PRICKLE2: variants seen among roughly 807,000 people sequenced by gnomAD.
PRICKLE2 encodes the protein prickle-like protein 2.
Under a neutral mutation model 81.4 loss-of-function variants are expected in PRICKLE2, and 21 were observed. The observed-to-expected ratio is 0.26, with a 90% CI of 0.18 to 0.37. The LOEUF is 0.37. Ranked by LOEUF, PRICKLE2 falls within the 10% of genes least tolerant of loss-of-function variation. PRICKLE2 has a pLI of 1.00. For missense variants in PRICKLE2, 940 were observed against 1,109.0 expected (o/e 0.85, Z 2.16); for synonymous variants, 456 against 421.5 (o/e 1.08, Z -1.00).
At chr3:64,255,263 T>C (rs2079509772) in intron 2 of PRICKLE2, among the ~76,000 whole-genome samples, 1 of 152,254 alleles carries the variant, frequency 6.6e-6, no homozygotes. Flanking sequence ...TTACTTCTTG[T>C]TCCATGTGAC....
chr3:64,167,312 C>T (rs1165115306), intron 2 of PRICKLE2, among the ~76,000 whole-genome samples: 1 of 152,098 alleles, frequency 6.6e-6, no homozygotes, highest in Non-Finnish European at 1.5e-5. Context: ...CATATTTATT[C>T]AAAAGCACGT....
intron 7 of PRICKLE2, among the ~76,000 whole-genome samples, chr3:64,144,161 T>C (rs2077407029): frequency 6.6e-6 from 1 of 152,208 alleles, no homozygotes; most frequent in South Asian, 2.1e-4. Flanking sequence ...TTAACTTCTC[T>C]GGAAAAACTG....
chr3:64,147,519 G>A lies in PRICKLE2; in HGVS notation c.971C>T (p.Ser324Phe). 1 of 1,614,256 alleles carries A rather than the reference G, an allele frequency of 6.2e-7. No homozygotes were observed. The highest frequency in any genetic ancestry group is 8.5e-7 in the Non-Finnish European group (1 of 1,180,054). The change falls in exon 7 of 8, where the codon TCC becomes TTC. Residue 324 changes from serine (S) to phenylalanine (F), a missense_variant. By Grantham distance (155) the Ser-to-Phe change is radical. Around this residue, in one of 2 missense-constraint regions of PRICKLE2, gnomAD observed 670 missense variants for 717.2 expected, o/e 0.93. Coordinates refer to ENST00000638394, the MANE Select transcript of PRICKLE2 (RefSeq NM_198859.4). The surrounding 1 kb of genome is among the most constrained non-coding windows in gnomAD (Gnocchi z 5.0). ...EDPNGSDSSD[S>F]AFQNARAKES... ...CTTGGCCCTGGCGTTCTGGAAGGCG[G>A]AATCAGAGGAGTCAGAACCATTGGG...
intron 7 of PRICKLE2, among the ~76,000 whole-genome samples, chr3:64,109,340 T>C (rs1054773041): frequency 3.9e-5 from 6 of 152,242 alleles, no homozygotes; most frequent in Admixed American, 3.9e-4. Context: ...GCTGTCTAAT[T>C]TTCCTGGCAG....
rs1459877732 is a variant in PRICKLE2, at chr3:64,147,919, C to A, written c.788-217G>T. On this transcript the variant is annotated intron_variant, in intron 6 of 7. Coordinates refer to ENST00000638394, the MANE Select transcript of PRICKLE2 (RefSeq NM_198859.4). The surrounding 1 kb of genome is among the most constrained non-coding windows in gnomAD (Gnocchi z 5.0). ...TGCGCCTTAACTCATTTGCTCCAAG[C>A]ACAAAGACTCTAGGTTAAAATGGCT... is the stretch of plus-strand genomic sequence containing the variant. Among the ~76,000 whole-genome samples, 2 of 152,134 alleles carry A rather than the reference C, an allele frequency of 1.3e-5. No homozygotes were observed. Among genetic ancestry groups the A allele is most frequent in the Non-Finnish European group, 2.9e-5 (2 of 68,026 alleles).
At chr3:64,209,399 C>T (rs1468037113) in intron 1 of PRICKLE2, among the ~76,000 whole-genome samples, 1 of 152,168 alleles carries the variant, frequency 6.6e-6, no homozygotes, top group African/African-American at 2.4e-5. Context: ...TCCATCCATC[C>T]ACCCATCTAT....
Position 64,099,023 on chromosome 3 carries a change from C to G in PRICKLE2, c.*28G>C, listed in dbSNP as rs771124563. On this transcript the variant is annotated 3_prime_UTR_variant, in exon 8 of 8. Transcript: ENST00000638394. The surrounding 1 kb of genome is among the most constrained non-coding windows in gnomAD (Gnocchi z 4.3). The stretch of plus-strand genomic sequence containing the variant: ...CTGACTTTACATTCTTAGCTCCCAT[C>G]TTCTCCCATTCCCTGATCCCAATCA... 6 of 1,613,600 alleles carry G rather than the reference C, an allele frequency of 3.7e-6. No individual in the cohort carries two copies. The highest frequency in any genetic ancestry group is 1.6e-4 in the Middle Eastern group (1 of 6,066).
intron 2 of PRICKLE2, among the ~76,000 whole-genome samples, chr3:64,263,862 T>G (rs2079654498): frequency 6.6e-6 from 1 of 152,154 alleles, no homozygotes; most frequent in Non-Finnish European, 1.5e-5. Flanking sequence ...CTCCTCAAGT[T>G]GTTGCCACGA....
chr3:64,179,812 C>T (rs1485905552), intron 2 of PRICKLE2, among the ~76,000 whole-genome samples: 1 of 152,052 alleles, frequency 6.6e-6, no homozygotes, highest in Non-Finnish European at 1.5e-5. Context: ...AATTATAAAC[C>T]ATTTGATCAC....
intron 2 of PRICKLE2, among the ~76,000 whole-genome samples, chr3:64,235,284 C>T (rs1022327257): frequency 2.0e-5 from 3 of 152,142 alleles, no homozygotes; most frequent in Non-Finnish European, 4.4e-5. Flanking sequence ...TGTCATCATG[C>T]CTTCCTTTAA....
chr3:64,267,205 T>C (rs1247174300), intron 2 of PRICKLE2, among the ~76,000 whole-genome samples: 1 of 152,076 alleles, frequency 6.6e-6, no homozygotes, highest in Non-Finnish European at 1.5e-5. Context: ...ACTTGGAAAG[T>C]AAGAATTAAC....
intron 1 of PRICKLE2, chr3:64,199,595 C>A (rs1181484064): frequency 1.3e-5 from 2 of 152,396 alleles, no homozygotes; most frequent in Non-Finnish European, 2.9e-5. Context: ...TAATTAGAAA[C>A]CCAAATTTTC....
chr3:64,146,857 C>T lies in PRICKLE2; in HGVS notation c.1633G>A (p.Glu545Lys). 6.2e-7 allele frequency: 1 copy of T among 1,614,144 alleles called. No homozygotes were observed. The highest frequency in any genetic ancestry group is 8.5e-7 in the Non-Finnish European group (1 of 1,180,018). ...GTTGCATTAGACAGGGCCAGGGATT[C>T]CATGGAGCCCCGAGGGGTCTGCTCT... ...PTEQTPRGSM[E>K]SLALSNATGL... The change falls in exon 7 of 8, where the codon GAA (glutamate) becomes AAA (lysine). Residue 545 changes from glutamate to lysine, a missense_variant. Physicochemically the swap from Glu to Lys is moderately conservative, Grantham distance 56 (BLOSUM62 1). Around this residue, in one of 2 missense-constraint regions of PRICKLE2, gnomAD observed 670 missense variants for 717.2 expected, o/e 0.93. Transcript: ENST00000638394.
At chr3:64,250,516 C>A (rs1222815224) in intron 2 of PRICKLE2, among the ~76,000 whole-genome samples, 1 of 152,218 alleles carries the variant, frequency 6.6e-6, no homozygotes, top group East Asian at 1.9e-4. Flanking sequence ...ACTCTTCCCC[C>A]ATCCCTGATT....
chr3:64,160,278 A>G (rs11922086), intron 3 of PRICKLE2, among the ~76,000 whole-genome samples: 4,266 of 152,256 alleles, frequency 0.028, 184 homozygotes, highest in African/African-American at 0.097. Context: ...CGGACAGCCA[A>G]AAGAGCTTAC....
Position 64,094,377 on chromosome 3 carries a change from C to T in PRICKLE2, c.*4674G>A, listed in dbSNP as rs1053159091. The T allele has an allele frequency of 1.3e-5, 2 of 152,196 alleles. No homozygotes were observed. The highest frequency in any genetic ancestry group is 4.8e-5 in the African/African-American group (2 of 41,452). The allele number at this position is 152,196 out of a possible 1,614,324, so 9.4% of individuals were successfully genotyped here. On this transcript the variant is annotated 3_prime_UTR_variant, in exon 8 of 8. Coordinates refer to ENST00000638394, the MANE Select transcript of PRICKLE2 (RefSeq NM_198859.4). The stretch of plus-strand genomic sequence containing the variant: ...GCTTGGTCAGTGACCTGTTGAATAT[C>T]AATGGCCAAATGCCAAGCAGAGTGA...
rs193079213 is a variant in PRICKLE2 at position 64,107,594 on chromosome 3, C to T, written c.1661-7669G>A. The stretch of plus-strand genomic sequence containing the variant: ...CGGTGGCTCACTCCTATAAGCCCAG[C>T]GCTTTGGGAAGCTGAGGTGGGAGGA... On this transcript the variant is annotated intron_variant, in intron 7 of 7. Transcript: ENST00000638394. Among the ~76,000 whole-genome samples the T allele has an allele frequency of 2.0e-4, 30 of 152,240 alleles. No individual in the cohort carries two copies. In the East Asian group the frequency reaches 4.8e-3, roughly 25 times the overall value.
At chr3:64,179,038 T>TCTTC (rs2078080429) in intron 2 of PRICKLE2, among the ~76,000 whole-genome samples, 1 of 147,630 alleles carries the variant, frequency 6.8e-6, no homozygotes, top group Non-Finnish European at 1.5e-5. Flanking sequence ...TTTCTTTCTT[T>TCTTC]TCTTTCCTTC....
At chr3:64,160,187 G>T in intron 3 of PRICKLE2, 110 bp from the exon 4 acceptor site, 2 of 1,195,248 alleles carry the variant, frequency 1.7e-6, no homozygotes, top group Non-Finnish European at 2.5e-6. Flanking sequence ...TGGTTTTATA[G>T]CCCTCGCCTG....
Sources: gnomAD v4.1 joint callset for allele counts (sites outside exome capture counted in the v4.1 genomes callset) on GRCh38, gnomAD v4.1.1 for gene constraint, gnomAD v4.1.1 regional missense constraint, Gnocchi (gnomAD v3.1) non-coding constraint, MANE v1.5 for transcripts, NCBI Gene and HGNC (gene_info 2026-07-23, HGNC 2026-07-21) for gene names.